Variants in BANP observed in about 807,000 individuals in gnomAD.
BANP encodes BTG3 associated nuclear protein, also known as protein BANP.
BANP carries 11 observed loss-of-function variants against 68.1 expected under a neutral mutation model. The ratio of observed to expected loss-of-function variants is 0.16; its 90% CI spans 0.10 to 0.27. The LOEUF (loss-of-function observed/expected upper bound fraction) is 0.27, where lower values mean the gene tolerates loss of function less well. Ranked by LOEUF, BANP falls within the 10% of genes least tolerant of loss-of-function variation. BANP has a pLI of 1.00. For missense variants in BANP, 504 were observed against 722.7 expected (o/e 0.70, Z 3.47); for synonymous variants, 329 against 303.2 (o/e 1.09, Z -0.88).
At chr16:88,051,422 T>C (rs1289201320) in intron 11 of BANP, among the ~76,000 whole-genome samples, 2 of 152,196 alleles carry the variant, frequency 1.3e-5, no homozygotes, top group Non-Finnish European at 2.9e-5. Flanking sequence ...CACATTGAGC[T>C]TGTAGAAAGT....
chr16:87,950,237 A>G (rs947753286), upstream of BANP, among the ~76,000 whole-genome samples: 1 of 152,138 alleles, frequency 6.6e-6, no homozygotes, highest in African/African-American at 2.4e-5. Flanking sequence ...GCTCAAAGGC[A>G]TTCTTGCTCA....
chr16:88,040,956 T>A (rs534665445), intron 11 of BANP, among the ~76,000 whole-genome samples: 1 of 152,256 alleles, frequency 6.6e-6, no homozygotes, highest in African/African-American at 2.4e-5. Context: ...GGCAGTAGAC[T>A]CAGAATCTGA....
chr16:88,045,565 G>A (rs1038972887), intron 11 of BANP, among the ~76,000 whole-genome samples: 30 of 152,228 alleles, frequency 2.0e-4, no homozygotes, highest in Admixed American at 1.3e-3. Flanking sequence ...GTTCATTCCC[G>A]GCAGAGAAGC....
At position 88,002,176 on chromosome 16, in the gene BANP, T is replaced by A. The variant is rs2069592652; in HGVS notation, c.363-2119T>A. On this transcript the variant is annotated intron_variant, in intron 4 of 13. Transcript: ENST00000682872. This position sits in a 1 kb window ranked among gnomAD's most constrained non-coding sequence, Gnocchi z 4.6. ...TCCTGCTGTTTTTGGTTTTTATAAC[T>A]CTGGGTGCTGGGAAACTTGGGTCCC... Among the ~76,000 whole-genome samples, 1 of 152,138 alleles carries A rather than the reference T, an allele frequency of 6.6e-6. No homozygotes were observed. Among genetic ancestry groups the A allele is most frequent in the South Asian group, 2.1e-4 (1 of 4,818 alleles).
rs938988646 is a variant in BANP at position 88,004,887 on chromosome 16, C to G, written c.479+476C>G. On this transcript the variant is annotated intron_variant, in intron 5 of 13. Coordinates refer to ENST00000682872, the MANE Select transcript of BANP (RefSeq NM_001386991.1). This position sits in a 1 kb window ranked among gnomAD's most constrained non-coding sequence, Gnocchi z 7.0. ...AACTTTGGTCAGAGGTGGGAGTGGA[C>G]AGAAGACACCGTCCCCGCTCTGTGT... Among the ~76,000 whole-genome samples, 1 of 152,146 alleles carries G rather than the reference C, an allele frequency of 6.6e-6. No individual in the cohort carries two copies. The highest frequency in any genetic ancestry group is 1.5e-5 in the Non-Finnish European group (1 of 68,016).
Position 88,057,682 on chromosome 16 carries a change from G to T in BANP, c.1312-7585G>T, listed in dbSNP as rs1009512666. On this transcript the variant is annotated intron_variant, in intron 11 of 13. Transcript: ENST00000682872. The surrounding 1 kb of genome is among the most constrained non-coding windows in gnomAD (Gnocchi z 4.6). ...GTCCTGGTTCTTACATCCCAGAAGG[G>T]AAGTTGCGGCACTGTGCGAGACAGT... 2.6e-5 allele frequency among the ~76,000 whole-genome samples: 4 copies of T among 151,506 alleles called. No homozygotes were observed. The highest frequency in any genetic ancestry group is 9.7e-5 in the African/African-American group (4 of 41,138).
At chr16:87,977,403 A>T (rs1356982153) in intron 2 of BANP, among the ~76,000 whole-genome samples, 1 of 147,558 alleles carries the variant, frequency 6.8e-6, no homozygotes, top group East Asian at 1.9e-4. Context: ...TGGGCGACAG[A>T]GCGAGACTCC....
At chr16:88,050,994 TTC>T (rs2083132416) in intron 11 of BANP, among the ~76,000 whole-genome samples, 1 of 152,222 alleles carries the variant, frequency 6.6e-6, no homozygotes, top group Non-Finnish European at 1.5e-5. Context: ...GCCTGCTTGT[TTC>T]TCATCTGCTT....
intron 11 of BANP, among the ~76,000 whole-genome samples, chr16:88,052,825 A>T (rs190713733): frequency 4.7e-4 from 72 of 151,938 alleles, no homozygotes; most frequent in African/African-American, 1.7e-3. Context: ...CGCCTTCACC[A>T]CTGTCATCTC....
At chr16:87,960,458 A>C (rs1012649227) in intron 1 of BANP, among the ~76,000 whole-genome samples, 3 of 152,142 alleles carry the variant, frequency 2.0e-5, no homozygotes, top group Non-Finnish European at 4.4e-5. Context: ...GGGTTTTGTT[A>C]TTTTTATCCT....
intron 11 of BANP, among the ~76,000 whole-genome samples, chr16:88,038,457 C>G (rs182828452): frequency 2.6e-5 from 4 of 152,110 alleles, no homozygotes; most frequent in Non-Finnish European, 5.9e-5. Context: ...ATGGCGGAAA[C>G]GTGCCCTCCC....
chr16:88,021,330 G>A (rs755064110), intron 7 of BANP, among the ~76,000 whole-genome samples: 1 of 152,198 alleles, frequency 6.6e-6, no homozygotes, highest in South Asian at 2.1e-4. Flanking sequence ...GTCCCTCCGG[G>A]GTGGGGCTCC....
At position 87,951,556 on chromosome 16, in the gene BANP, C is replaced by T. The variant is rs552107560; in HGVS notation, c.-69+41C>T. The T allele has an allele frequency of 1.1e-4, 17 of 152,750 alleles. 1 individual carries two copies. The highest frequency in any genetic ancestry group is 3.9e-4 in the East Asian group (2 of 5,150). 9.5% of individuals were successfully genotyped at this position (152,750 alleles called of 1,614,324 possible). A position where few individuals can be genotyped will look rare whatever the true frequency, so the allele number is the denominator to read the frequency against. On this transcript the variant is annotated intron_variant, in intron 1 of 13. Transcript: ENST00000682872. ...GCAGCCGGTCGCGCCTCCGCCTCCC[C>T]CTTCCCGCGGGGCGAGAGCGAGAGC...
At position 88,036,685 on chromosome 16, in the gene BANP, A is replaced by C. The variant is rs1264033891; in HGVS notation, c.1273-1288A>C. On this transcript the variant is annotated intron_variant, in intron 10 of 13. Transcript: ENST00000682872. The surrounding 1 kb of genome is among the most constrained non-coding windows in gnomAD (Gnocchi z 4.2). ...TGGGGGCCGTGAGCGACTGGGAATG[A>C]GTGGGCTCATCCACACAGCGACATG... Among the ~76,000 whole-genome samples, 2 of 152,082 alleles carry C rather than the reference A, an allele frequency of 1.3e-5. No homozygotes were observed. Among genetic ancestry groups the C allele is most frequent in the East Asian group, 3.9e-4 (2 of 5,188 alleles).
intron 12 of BANP, 67 bp from the exon 13 acceptor site, chr16:88,072,002 C>T (rs1007365914): frequency 7.2e-6 from 11 of 1,532,782 alleles, no homozygotes; most frequent in Non-Finnish European, 9.6e-6. Flanking sequence ...GTCTGTGGAG[C>T]CATGTGGGTT....
chr16:87,957,327 A>G lies in BANP; in HGVS notation c.-69+5812A>G, dbSNP rs2058275568. 6.6e-6 allele frequency among the ~76,000 whole-genome samples: 1 copy of G among 152,186 alleles called. No homozygotes were observed. The highest frequency in any genetic ancestry group is 2.4e-5 in the African/African-American group (1 of 41,464). Reference sequence around the variant, plus strand: ...GCGGCTGAGGAGGTGAAAGGCTGAGAGGAGGCTGCAGTGAAACACCTGAGG... The same window carrying G: ...GCGGCTGAGGAGGTGAAAGGCTGAGGGGAGGCTGCAGTGAAACACCTGAGG... On this transcript the variant is annotated intron_variant, in intron 1 of 13. Transcript: ENST00000682872. The surrounding 1 kb of genome is among the most constrained non-coding windows in gnomAD (Gnocchi z 4.3).
intron 8 of BANP, among the ~76,000 whole-genome samples, chr16:88,030,267 C>T (rs1267722688): frequency 1.3e-5 from 2 of 152,050 alleles, no homozygotes; most frequent in Non-Finnish European, 2.9e-5. Context: ...TAGGAAGGGA[C>T]CCTGTCTGGA....
chr16:88,066,553 TA>T (rs1467257577), intron 12 of BANP, among the ~76,000 whole-genome samples: 1 of 152,190 alleles, frequency 6.6e-6, no homozygotes, highest in Non-Finnish European at 1.5e-5. Flanking sequence ...TCCTTTTGCC[TA>T]AAATTCTGTT....
At chr16:88,067,255 G>A (rs1451547312) in intron 12 of BANP, among the ~76,000 whole-genome samples, 23 of 152,152 alleles carry the variant, frequency 1.5e-4, no homozygotes, top group African/African-American at 5.3e-4. Context: ...GGGCTGAGGG[G>A]GTCAGAGCCG....
Sources: gnomAD v4.1 joint callset for allele counts (sites outside exome capture counted in the v4.1 genomes callset) on GRCh38, gnomAD v4.1.1 for gene constraint, Gnocchi (gnomAD v3.1) non-coding constraint, MANE v1.5 for transcripts, NCBI Gene and HGNC (gene_info 2026-07-23, HGNC 2026-07-21) for gene names.